SPOCK1: variants seen among roughly 807,000 people sequenced by gnomAD.
The protein encoded by SPOCK1 is testican-1.
Under a neutral mutation model 55.3 loss-of-function variants are expected in SPOCK1, and 23 were observed. The ratio of observed to expected loss-of-function variants is 0.42; its 90% confidence interval spans 0.30 to 0.59. SPOCK1 has a LOEUF of 0.59. Among genes scored for constraint, SPOCK1 ranks in the 20% least tolerant of loss-of-function variants. The pLI, the probability that SPOCK1 is intolerant of heterozygous loss-of-function variation, is 0.22. For synonymous variants in SPOCK1, 226 were observed against 221.0 expected, an observed-to-expected ratio of 1.02 and a Z score of -0.20; for missense variants, 499 against 552.5, an observed-to-expected ratio of 0.90 and a Z score of 0.97.
At chr5:137,279,517 G>A (rs116254772) in intron 2 of SPOCK1, among the ~76,000 whole-genome samples, 117 of 152,284 alleles carry the variant, frequency 7.7e-4, no homozygotes, top group Middle Eastern at 3.4e-3. Flanking sequence ...GCAGGTGCAC[G>A]ATCATGCAGT....
Position 136,979,316 on chromosome 5 carries a change from A to G in SPOCK1, c.1129+16T>C. ...ACCCAGGTCATTGTGGGGCTCATGC[A>G]GGAGGCCTTACTCACCACAGCTCAC... On this transcript the variant is annotated intron_variant, in intron 10 of 10. Coordinates refer to ENST00000394945, the MANE Select transcript of SPOCK1 (RefSeq NM_004598.4). 6 of 1,613,840 alleles carry G rather than the reference A, an allele frequency of 3.7e-6. No individual in the cohort carries two copies. Among genetic ancestry groups the G allele is most frequent in the Non-Finnish European group, 5.1e-6 (6 of 1,179,844 alleles).
intron 3 of SPOCK1, among the ~76,000 whole-genome samples, chr5:137,240,773 G>A (rs1235393921): frequency 2.0e-5 from 3 of 152,106 alleles, no homozygotes; most frequent in Non-Finnish European, 4.4e-5. Context: ...CTCTGAAAGA[G>A]AAAAGTCATG....
chr5:137,402,412 T>C (rs79747791), intron 2 of SPOCK1, among the ~76,000 whole-genome samples: 1,641 of 152,358 alleles, frequency 0.011, 39 homozygotes, highest in African/African-American at 0.038. Flanking sequence ...TCAGCATTTT[T>C]AAATGTCATT....
At chr5:136,991,420 G>A (rs1325533615) in intron 7 of SPOCK1, among the ~76,000 whole-genome samples, 2 of 152,004 alleles carry the variant, frequency 1.3e-5, no homozygotes, top group South Asian at 2.1e-4. Flanking sequence ...AGAAGGCTAT[G>A]AGCAGCCAAA....
intron 9 of SPOCK1, among the ~76,000 whole-genome samples, chr5:136,983,745 C>A (rs1030420976): frequency 2.6e-5 from 4 of 151,482 alleles, no homozygotes; most frequent in African/African-American, 7.2e-5. Context: ...ACTCTGTATA[C>A]CCCTGACTAC....
intron 2 of SPOCK1, among the ~76,000 whole-genome samples, chr5:137,450,669 T>C (rs1753236497): frequency 6.6e-6 from 1 of 152,184 alleles, no homozygotes; most frequent in Non-Finnish European, 1.5e-5. Context: ...AGCTCCGAAC[T>C]TCACAACAAT....
At chr5:137,236,608 A>AGTCTC (rs1308269448) in intron 3 of SPOCK1, among the ~76,000 whole-genome samples, 2 of 152,170 alleles carry the variant, frequency 1.3e-5, no homozygotes, top group Non-Finnish European at 2.9e-5. Flanking sequence ...TACCAAACCT[A>AGTCTC]GTCTCCAGCC....
At position 137,016,692 on chromosome 5, in the gene SPOCK1, GAAAC is replaced by G. The variant is rs1176715954; in HGVS notation, c.590-24096_590-24093del. ...GTATATTTTTCTAGACTTCCGGAAG[GAAAC>G]AAACAACCCAACTTAGAGTTTGAGT... On this transcript the variant is annotated intron_variant, in intron 6 of 10. Coordinates refer to ENST00000394945, the MANE Select transcript of SPOCK1 (RefSeq NM_004598.4). Among the ~76,000 whole-genome samples the G allele has an allele frequency of 3.3e-5, 5 of 152,328 alleles. No individual in the cohort carries two copies. In the South Asian group the frequency reaches 6.2e-4, roughly 19 times the overall value.
At chr5:137,034,770 T>A (rs1035325405) in intron 6 of SPOCK1, among the ~76,000 whole-genome samples, 1 of 151,812 alleles carries the variant, frequency 6.6e-6, no homozygotes, top group Non-Finnish European at 1.5e-5. Flanking sequence ...AGCCATGTGG[T>A]GATGACAGAT....
chr5:137,014,095 G>A lies in SPOCK1; in HGVS notation c.590-21495C>T, dbSNP rs547936914. ...GGTGGATCCCTCATGGCTTGGTGCT[G>A]TCTTCATGATATTGACTTCTTGCAA... is the stretch of plus-strand genomic sequence containing the variant. On this transcript the variant is annotated intron_variant, in intron 6 of 10. Coordinates refer to ENST00000394945, the MANE Select transcript of SPOCK1 (RefSeq NM_004598.4). 2.1e-4 allele frequency among the ~76,000 whole-genome samples: 32 copies of A among 152,268 alleles called. 1 individual carries two copies. Among genetic ancestry groups the A allele is most frequent in the Admixed American group, 3.3e-4 (5 of 15,288 alleles).
chr5:137,439,907 G>T (rs1468941473), intron 2 of SPOCK1, among the ~76,000 whole-genome samples: 1 of 152,196 alleles, frequency 6.6e-6, no homozygotes, highest in Non-Finnish European at 1.5e-5. Context: ...GTGAAGCTCA[G>T]TGTCAACTAG....
Position 137,223,020 on chromosome 5 carries a change from C to T in SPOCK1, c.232+43990G>A, listed in dbSNP as rs549515292. ...GATAATGAAAAAAACTGTTGAGACA[C>T]GCTGATCTAGAATGGCAAAACTCCC... On this transcript the variant is annotated intron_variant, in intron 3 of 10. Coordinates refer to ENST00000394945, the MANE Select transcript of SPOCK1 (RefSeq NM_004598.4). Among the ~76,000 whole-genome samples, 30 of 151,824 alleles carry T rather than the reference C, an allele frequency of 2.0e-4. No individual in the cohort carries two copies. The South Asian group carries it at 6.0e-3, about 30-fold the overall frequency.
At chr5:137,249,890 G>A (rs1333203815) in intron 3 of SPOCK1, among the ~76,000 whole-genome samples, 1 of 152,020 alleles carries the variant, frequency 6.6e-6, no homozygotes, top group African/African-American at 2.4e-5. Flanking sequence ...TTGACAATCA[G>A]CTACTCTTCT....
intron 2 of SPOCK1, among the ~76,000 whole-genome samples, chr5:137,471,519 A>C (rs1753737524): frequency 6.6e-6 from 1 of 152,210 alleles, no homozygotes; most frequent in South Asian, 2.1e-4. Flanking sequence ...CGCTATTCCT[A>C]TCTGTGCATC....
chr5:137,423,485 G>A (rs1031722014), intron 2 of SPOCK1, among the ~76,000 whole-genome samples: 14 of 152,204 alleles, frequency 9.2e-5, no homozygotes, highest in African/African-American at 2.4e-4. Context: ...CGGCAATGGC[G>A]GGTGCTTCTC....
chr5:137,081,297 G>T (rs962043409), intron 5 of SPOCK1, among the ~76,000 whole-genome samples: 1 of 152,224 alleles, frequency 6.6e-6, no homozygotes, highest in Non-Finnish European at 1.5e-5. Context: ...GAGAAGAAAT[G>T]CAGACGGAGA....
chr5:137,380,728 C>A (rs1489422378), intron 2 of SPOCK1, among the ~76,000 whole-genome samples: 2 of 152,132 alleles, frequency 1.3e-5, no homozygotes, highest in Non-Finnish European at 2.9e-5. Context: ...CCCCTACAAT[C>A]TGATCACCTC....
chr5:136,978,423 A>G lies in SPOCK1; in HGVS notation c.*231T>C, dbSNP rs1011496067. 2 of 396,744 alleles carry G rather than the reference A, an allele frequency of 5.0e-6. No individual in the cohort carries two copies. Among genetic ancestry groups the G allele is most frequent in the African/African-American group, 2.2e-5 (1 of 44,594 alleles). 24.6% of individuals were successfully genotyped at this position (396,744 alleles called of 1,614,324 possible). ...CTCTAATTAAGCCAATGACTTCCCT[A>G]TCCAAAAAATAAACAACAACAAAAA... On this transcript the variant is annotated 3_prime_UTR_variant, in exon 11 of 11. Coordinates refer to ENST00000394945, the MANE Select transcript of SPOCK1 (RefSeq NM_004598.4).
chr5:137,019,941 T>G (rs531828503), intron 6 of SPOCK1, among the ~76,000 whole-genome samples: 1 of 152,144 alleles, frequency 6.6e-6, no homozygotes, highest in African/African-American at 2.4e-5. Context: ...ATCCTAAACT[T>G]CTTCCTTGTA....
Sources: allele counts gnomAD v4.1 joint callset (sites outside exome capture counted in the v4.1 genomes callset), GRCh38; gene constraint gnomAD v4.1.1; transcripts MANE v1.5; gene names NCBI Gene and HGNC (gene_info 2026-07-23, HGNC 2026-07-21).